The following SLC5A1 variants were observed in gnomAD, a reference collection of about 807,000 sequenced individuals.
SLC5A1 encodes the protein sodium/glucose cotransporter 1.
SLC5A1 carries 42 observed loss-of-function variants against 73.5 expected under a neutral mutation model. The ratio of observed to expected loss-of-function variants is 0.57; its 90% confidence interval spans 0.45 to 0.74. The LOEUF is 0.74. Among genes scored for constraint, SLC5A1 ranks in the 30% least tolerant of loss-of-function variants. The pLI is 0.00. For missense variants in SLC5A1, 634 were observed against 855.4 expected (o/e 0.74, Z 3.23); for synonymous variants, 300 against 317.4 (o/e 0.95, Z 0.58).
chr22:32,062,334 A>G (rs2093964465), intron 2 of SLC5A1, among the ~76,000 whole-genome samples: 2 of 152,224 alleles, frequency 1.3e-5, no homozygotes, highest in African/African-American at 4.8e-5. Context: ...ACCTTCCAGG[A>G]TAGGACATCT....
At chr22:32,047,475 G>A (rs1330195864) in intron 1 of SLC5A1, among the ~76,000 whole-genome samples, 2 of 150,698 alleles carry the variant, frequency 1.3e-5, no homozygotes, top group East Asian at 3.9e-4. Flanking sequence ...TTTCTGTTTT[G>A]GCCCTTAGCT....
rs552996965 is a variant in SLC5A1 at position 32,080,297 on chromosome 22, G to T, written c.478-1569G>T. On this transcript the variant is annotated intron_variant, in intron 5 of 14. Coordinates refer to ENST00000266088, the MANE Select transcript of SLC5A1 (RefSeq NM_000343.4). The stretch of plus-strand genomic sequence containing the variant: ...GGGCAGAGGGGAACTATGGCATCAG[G>T]TCCTCAAAAGGCCCACCTTCGGGAA... Among the ~76,000 whole-genome samples, 4 of 152,262 alleles carry T rather than the reference G, an allele frequency of 2.6e-5. No homozygotes were observed. In the South Asian group the frequency reaches 8.3e-4, roughly 32 times the overall value.
chr22:32,068,605 G>A lies in SLC5A1; in HGVS notation c.477+5G>A. 1 of 1,583,458 alleles carries A rather than the reference G, an allele frequency of 6.3e-7. No homozygotes were observed. Among genetic ancestry groups the A allele is most frequent in the Non-Finnish European group, 8.7e-7 (1 of 1,153,568 alleles). On this transcript the variant is annotated splice_donor_5th_base_variant and intron_variant, in intron 5 of 14. Coordinates refer to ENST00000266088, the MANE Select transcript of SLC5A1 (RefSeq NM_000343.4). ...TACATTTTCACCAAGATCTCGGTGA[G>A]TCCACTGCCCCAGAGGGCTGGGCTG...
rs2149500999 is a variant in SLC5A1 at position 32,112,851 on chromosome 22, T to G, written c.*2638T>G. ...AGTTAATAGCAATATAACATATACT[T>G]GAAAATTGCTGAGAGTAGTGTGAGT... On this transcript the variant is annotated 3_prime_UTR_variant, in exon 15 of 15. Transcript: ENST00000266088. 6.6e-6 allele frequency: 1 copy of G among 152,262 alleles called. No individual in the cohort carries two copies. 9.4% of individuals were successfully genotyped at this position (152,262 alleles called of 1,614,324 possible).
In SLC5A1 at chr22:32,084,944, G is replaced by C. The variant is rs1603129500; in HGVS notation, c.930G>C (p.Val310=). 1 of 1,614,224 alleles carries C rather than the reference G, an allele frequency of 6.2e-7. No individual in the cohort carries two copies. Among genetic ancestry groups the C allele is most frequent in the Non-Finnish European group, 8.5e-7 (1 of 1,180,036 alleles). Reference sequence around the variant, plus strand: ...TCTCAGCCAAGAATATGTCTCACGTGAAGGGTGGCTGCATCCTGTGTGGGT... The same window carrying C: ...TCTCAGCCAAGAATATGTCTCACGTCAAGGGTGGCTGCATCCTGTGTGGGT... ...RCLSAKNMSH[V]KGGCILCGYL... is the part of the protein sequence containing the mutation. Residue 310 remains valine, a synonymous_variant, in exon 9 of 15, where the codon GTG becomes GTC. Transcript: ENST00000266088.
At position 32,043,323 on chromosome 22, in the gene SLC5A1, C is replaced by A; in HGVS notation, c.42C>A (p.Thr14=). 6.2e-7 allele frequency: 1 copy of A among 1,614,194 alleles called. No individual in the cohort carries two copies. The highest frequency in any genetic ancestry group is 2.2e-5 in the East Asian group (1 of 44,882). ...STWSPKTTAV[T]RPVETHELIR... is the part of the protein sequence containing the mutation. ...GGAGCCCCAAGACCACCGCGGTCAC[C>A]CGGCCTGTTGAGACCCACGAGCTCA... The change falls in exon 1 of 15, where the codon ACC becomes ACA. Residue 14 remains threonine, a synonymous_variant. Transcript: ENST00000266088. This position sits in a 1 kb window ranked among gnomAD's most constrained non-coding sequence, Gnocchi z 6.5.
At chr22:32,056,483 C>T (rs111780073) in intron 2 of SLC5A1, among the ~76,000 whole-genome samples, 1,507 of 115,802 alleles carry the variant, frequency 0.013, 12 homozygotes, top group Non-Finnish European at 0.019. Flanking sequence ...ATGCAATATT[C>T]GGGACATACT....
At chr22:32,064,604 G>A (rs955994795) in intron 2 of SLC5A1, among the ~76,000 whole-genome samples, 1 of 151,944 alleles carries the variant, frequency 6.6e-6, no homozygotes, top group African/African-American at 2.4e-5. Flanking sequence ...TTAATGAATG[G>A]CGTCCACCCA....
At chr22:32,091,284 AAC>A in intron 10 of SLC5A1, among the ~76,000 whole-genome samples, 1 of 135,480 alleles carries the variant, frequency 7.4e-6, no homozygotes, top group East Asian at 2.2e-4. Context: ...CTCAGATGGA[AAC>A]ACACATACAC....
In SLC5A1 at chr22:32,112,164, A is replaced by G. The variant is rs558456213; in HGVS notation, c.*1951A>G. 11 of 152,338 alleles carry G rather than the reference A, an allele frequency of 7.2e-5. No individual in the cohort carries two copies. In the South Asian group the frequency reaches 2.3e-3, roughly 32 times the overall value. The allele number at this position is 152,338 out of a possible 1,614,324, so 9.4% of individuals were successfully genotyped here. A position where few individuals can be genotyped will look rare whatever the true frequency, so the allele number is the denominator to read the frequency against. On this transcript the variant is annotated 3_prime_UTR_variant, in exon 15 of 15. Coordinates refer to ENST00000266088, the MANE Select transcript of SLC5A1 (RefSeq NM_000343.4). ...GACAGCATTTATCAGTATAACATTT[A>G]TTTAAATAAGTAGGTGCTCAATAGG... is the stretch of plus-strand genomic sequence containing the variant.
chr22:32,104,945 C>A (rs1231203576), intron 14 of SLC5A1, 54 bp downstream of exon 14: 3 of 1,215,734 alleles, frequency 2.5e-6, no homozygotes, highest in Non-Finnish European at 3.7e-6. Context: ...CCTACAACAA[C>A]AAGACTTTAC....
chr22:32,099,536 G>C (rs898116624), intron 12 of SLC5A1, among the ~76,000 whole-genome samples, 185 bp downstream of exon 12: 2 of 151,800 alleles, frequency 1.3e-5, no homozygotes, highest in Admixed American at 1.3e-4. Flanking sequence ...TGAGCTCCTC[G>C]GGAGTTGGTA....
chr22:32,067,095 C>T, intron 3 of SLC5A1, 56 bp downstream of exon 3: 1 of 1,339,092 alleles, frequency 7.5e-7, no homozygotes, highest in African/African-American at 1.4e-5. Flanking sequence ...TAGCAGTCAA[C>T]CAGTTCAATC....
chr22:32,104,295 A>C (rs902231433), intron 13 of SLC5A1, among the ~76,000 whole-genome samples: 4 of 152,210 alleles, frequency 2.6e-5, no homozygotes, highest in Non-Finnish European at 1.5e-5. Flanking sequence ...GCTCTAGATC[A>C]AGTATTTGGT....
intron 6 of SLC5A1, 30 bp from the exon 7 acceptor site, chr22:32,083,044 G>A (rs202209920): frequency 1.9e-5 from 31 of 1,605,406 alleles, no homozygotes; most frequent in Non-Finnish European, 2.5e-5. Context: ...TCCACACGAG[G>A]TCAGATGTGT....
intron 2 of SLC5A1, among the ~76,000 whole-genome samples, chr22:32,056,345 T>G (rs1053965870): frequency 6.6e-6 from 1 of 151,888 alleles, no homozygotes; most frequent in African/African-American, 2.4e-5. Context: ...GTCCTCCAGG[T>G]GATTCTGATT....
chr22:32,093,992 C>T (rs2094022372), intron 11 of SLC5A1, among the ~76,000 whole-genome samples: 1 of 85,396 alleles, frequency 1.2e-5, no homozygotes, highest in South Asian at 5.3e-4. Flanking sequence ...TCATAGATGG[C>T]TTTTATTACA....
chr22:32,076,755 A>G (rs987285924), intron 5 of SLC5A1, among the ~76,000 whole-genome samples: 3 of 152,216 alleles, frequency 2.0e-5, no homozygotes, highest in Non-Finnish European at 4.4e-5. Context: ...ACACATATAA[A>G]ATCACTGGAT....
chr22:32,066,025 G>T (rs1347137061), intron 2 of SLC5A1, among the ~76,000 whole-genome samples: 1 of 152,204 alleles, frequency 6.6e-6, no homozygotes, highest in Non-Finnish European at 1.5e-5. Flanking sequence ...AAGGACTTTA[G>T]AACTTTCTGG....
Sources: allele counts gnomAD v4.1 joint callset (sites outside exome capture counted in the v4.1 genomes callset), GRCh38; gene constraint gnomAD v4.1.1; non-coding constraint Gnocchi (gnomAD v3.1); transcripts MANE v1.5; gene names NCBI Gene and HGNC (gene_info 2026-07-23, HGNC 2026-07-21).